Variants in SCML1 observed in about 807,000 individuals in gnomAD.
SCML1 encodes the protein sex comb on midleg-like protein 1.
For synonymous variants in SCML1, 104 were observed against 103.6 expected, an observed-to-expected ratio of 1.00 and a Z score of -0.02; for missense variants, 137 against 258.1, an observed-to-expected ratio of 0.53 and a Z score of 3.22.
chrX:17,754,186 G>A lies in SCML1; in HGVS notation c.*794G>A, dbSNP rs1041797080. ...TGTTTGCATCTCTCTATGAAGATAC[G>A]TCTGTCCAAACTTTTAAAAGGCATA... On this transcript the variant is annotated 3_prime_UTR_variant, in exon 8 of 8. Coordinates refer to ENST00000380041, the MANE Select transcript of SCML1 (RefSeq NM_001037540.3). The A allele has an allele frequency of 2.7e-5, 3 of 111,369 alleles. No homozygotes were observed. The highest frequency in any genetic ancestry group is 9.5e-5 in the Admixed American group (1 of 10,496). 9.2% of individuals were successfully genotyped at this position (111,369 alleles called of 1,213,427 possible).
intron 1 of SCML1, chrX:17,743,869 G>T: frequency 4.8e-6 from 1 of 208,469 alleles, no homozygotes; most frequent in East Asian, 9.4e-5. Context: ...TGTTTGATTT[G>T]ATTCTTATTT....
In SCML1 at chrX:17,749,512, T is replaced by C; in HGVS notation, c.303+8T>C. 1 of 1,094,117 alleles carries C rather than the reference T, an allele frequency of 9.1e-7. No homozygotes were observed. The allele number at this position is 1,094,117 out of a possible 1,213,427, so 90.2% of individuals were successfully genotyped here. The stretch of plus-strand genomic sequence containing the variant: ...TCCCTGTGGACAAATCATGTAAGTG[T>C]TATAAAAAACATTTTTACAACTGTG... On this transcript the variant is annotated splice_region_variant and intron_variant, in intron 5 of 7. Transcript: ENST00000380041.
chrX:17,753,290 G>C lies in SCML1; in HGVS notation c.888G>C (p.Thr296=). ...ACGGGAAGGCTCTGCTCCTACTCAC[G>C]AGTGACGTGTTGCTGAAGCACTTGG... ...EIDGKALLLL[T]SDVLLKHLGV... Residue 296 remains threonine, a synonymous_variant, in exon 8 of 8, where the codon ACG becomes ACC. Coordinates refer to ENST00000380041, the MANE Select transcript of SCML1 (RefSeq NM_001037540.3). The C allele has an allele frequency of 8.5e-7, 1 of 1,182,801 alleles. No homozygotes were observed. Among genetic ancestry groups the C allele is most frequent in the South Asian group, 1.9e-5 (1 of 51,893 alleles).
chrX:17,741,396 G>A, intron 1 of SCML1, among the ~76,000 whole-genome samples: 1 of 111,570 alleles, frequency 9.0e-6, no homozygotes. Flanking sequence ...GGGGACCCCT[G>A]GCTTAGAGTA....
At chrX:17,746,136 ATGTT>A in intron 4 of SCML1, 38 bp downstream of exon 4, 1 of 859,958 alleles carries the variant, frequency 1.2e-6, no homozygotes, top group African/African-American at 2.0e-5. Context: ...GTTTTCTAAA[ATGTT>A]AAGCAAAAAT....
chrX:17,749,039 G>A (rs770882161), intron 4 of SCML1, among the ~76,000 whole-genome samples: 1 of 112,553 alleles, frequency 8.9e-6, no homozygotes, highest in Non-Finnish European at 1.9e-5. Flanking sequence ...CATAAAGTGA[G>A]TCTTTGTTCT....
chrX:17,747,642 G>A (rs2066655094), intron 4 of SCML1, among the ~76,000 whole-genome samples: 1 of 111,803 alleles, frequency 8.9e-6, no homozygotes, highest in Admixed American at 9.5e-5. Flanking sequence ...TGCAGCCTGG[G>A]TTAGGACTGC....
Position 17,750,229 on chromosome X carries a change from C to A in SCML1, c.639C>A (p.Asn213Lys). Reference protein sequence around the residue: ...YGSSSGLCLGNPRADSIHNTY... With the variant: ...YGSSSGLCLGKPRADSIHNTY... Reference sequence around the variant, plus strand: ...CTTCTTCAGGGCTCTGCCTTGGCAACCCTCGGGCTGACAGCATCCACAACA... The same window carrying A: ...CTTCTTCAGGGCTCTGCCTTGGCAAACCTCGGGCTGACAGCATCCACAACA... The change falls in exon 6 of 8, where the codon AAC (asparagine) becomes AAA (lysine). Residue 213 changes from asparagine to lysine, a missense_variant. Transcript: ENST00000380041. 8.3e-7 allele frequency: 1 copy of A among 1,211,769 alleles called. No homozygotes were observed. Among genetic ancestry groups the A allele is most frequent in the Non-Finnish European group, 1.1e-6 (1 of 895,434 alleles).
intron 4 of SCML1, among the ~76,000 whole-genome samples, chrX:17,749,080 T>G (rs1013319836): frequency 1.8e-5 from 2 of 112,461 alleles, no homozygotes; most frequent in African/African-American, 6.5e-5. Context: ...AAATAGCACC[T>G]TCCTTGATGT....
In SCML1 at chrX:17,744,134, A is replaced by G. The variant is rs370937866; in HGVS notation, c.-53A>G. 2.7e-5 allele frequency: 30 copies of G among 1,095,710 alleles called. No homozygotes were observed. Among genetic ancestry groups the G allele is most frequent in the Non-Finnish European group, 3.7e-5 (29 of 793,374 alleles). 90.3% of individuals were successfully genotyped at this position (1,095,710 alleles called of 1,213,427 possible). On this transcript the variant is annotated 5_prime_UTR_variant, in exon 2 of 8. Coordinates refer to ENST00000380041, the MANE Select transcript of SCML1 (RefSeq NM_001037540.3). ...CACAAATAAACCCTCCAGCAAGTTT[A>G]AAAATAATTAGGTCCAACTCAGAGG... is the stretch of plus-strand genomic sequence containing the variant.
In SCML1 at chrX:17,753,680, G is replaced by T; in HGVS notation, c.*288G>T. 1.0e-5 allele frequency: 1 copy of T among 97,567 alleles called. No homozygotes were observed. The allele number at this position is 97,567 out of a possible 1,213,427, so 8.0% of individuals were successfully genotyped here. ...ACAAATATATTTCATGCAAGAAACA[G>T]AAAAAAAAAAAAACCCTTTGATTCT... On this transcript the variant is annotated 3_prime_UTR_variant, in exon 8 of 8. Coordinates refer to ENST00000380041, the MANE Select transcript of SCML1 (RefSeq NM_001037540.3).
chrX:17,741,255 G>T (rs1168377476), intron 1 of SCML1, among the ~76,000 whole-genome samples: 1 of 111,653 alleles, frequency 9.0e-6, no homozygotes, highest in Non-Finnish European at 1.9e-5. Flanking sequence ...TCACAATAGG[G>T]TTTGTGCTCC....
chrX:17,749,837 T>G, intron 5 of SCML1, 57 bp from the exon 6 acceptor site: 1 of 1,054,354 alleles, frequency 9.5e-7, no homozygotes. Context: ...TATTTGCTAC[T>G]AATTTTATTT....
At chrX:17,739,520 T>TG (rs1432137225) in intron 1 of SCML1, among the ~76,000 whole-genome samples, 3 of 110,964 alleles carry the variant, frequency 2.7e-5, no homozygotes, top group South Asian at 3.8e-4. Flanking sequence ...ATTTATCTTG[T>TG]GGGAAAAAGT....
chrX:17,748,797 A>G (rs951374946), intron 4 of SCML1, among the ~76,000 whole-genome samples: 1 of 111,910 alleles, frequency 8.9e-6, no homozygotes, highest in East Asian at 2.8e-4. Flanking sequence ...TTCAAGAAGA[A>G]TTCTCAGACT....
chrX:17,751,991 T>C (rs1371370685), intron 7 of SCML1, 25 bp downstream of exon 7: 2 of 1,197,718 alleles, frequency 1.7e-6, no homozygotes, highest in Non-Finnish European at 1.1e-6. Flanking sequence ...GATCCTGTTT[T>C]CCTGCTGTAA....
At chrX:17,746,625 T>C (rs2066644250) in intron 4 of SCML1, among the ~76,000 whole-genome samples, 1 of 112,386 alleles carries the variant, frequency 8.9e-6, no homozygotes, top group African/African-American at 3.2e-5. Flanking sequence ...TTTCTTACCA[T>C]ATATAAGGTT....
chrX:17,749,553 G>T (rs1437673012), intron 5 of SCML1, 49 bp downstream of exon 5: 4 of 797,419 alleles, frequency 5.0e-6, no homozygotes, highest in Non-Finnish European at 7.4e-6. Context: ...CCTCTGGTTT[G>T]TAAAGATGCC....
At chrX:17,745,400 T>A in intron 2 of SCML1, 56 bp from the exon 3 acceptor site, 1 of 733,764 alleles carries the variant, frequency 1.4e-6, no homozygotes, top group Non-Finnish European at 2.1e-6. Flanking sequence ...CCCTCAACTT[T>A]TCTTTTAGTT....
Sources: gnomAD v4.1 joint callset for allele counts (sites outside exome capture counted in the v4.1 genomes callset) on GRCh38, gnomAD v4.1.1 for gene constraint, MANE v1.5 for transcripts, NCBI Gene and HGNC (gene_info 2026-07-23, HGNC 2026-07-21) for gene names.